Variants in LTF observed in about 807,000 individuals in gnomAD.
LTF encodes the protein lactotransferrin.
A neutral mutation model predicts 87.2 loss-of-function variants in LTF; 91 were observed. That is an observed-to-expected ratio of 1.04 (90% CI 0.88 to 1.24). The LOEUF (loss-of-function observed/expected upper bound fraction) is 1.24. Among genes scored for constraint, LTF ranks in the 50% most tolerant of loss-of-function variants. The probability of loss-of-function intolerance (pLI) is 0.00; values close to 1 mark genes in which losing one functional copy is unlikely to be tolerated. For synonymous variants in LTF, 378 were observed against 356.1 expected (o/e 1.06, Z -0.69); for missense variants, 901 against 904.3 (o/e 1.00, Z 0.05).
chr3:46,439,574 A>T, intron 14 of LTF, 94 bp from the exon 15 acceptor site: 1 of 1,033,598 alleles, frequency 9.7e-7, no homozygotes, highest in Non-Finnish European at 1.4e-6. Context: ...TGACCTCCCA[A>T]ATGCACACAC....
intron 16 of LTF, among the ~76,000 whole-genome samples, chr3:46,436,461 A>G (rs1173811662): frequency 6.6e-6 from 1 of 152,174 alleles, no homozygotes; most frequent in East Asian, 1.9e-4. Context: ...CTGGCCTGAG[A>G]GACACAACCA....
At chr3:46,445,506 C>A in intron 11 of LTF, 70 bp from the exon 12 acceptor site, 1 of 1,452,932 alleles carries the variant, frequency 6.9e-7, no homozygotes, top group Non-Finnish European at 9.4e-7. Context: ...TCCAGTGGAG[C>A]TGTCTACAGC....
At chr3:46,461,144 A>G (rs1429686594) in intron 1 of LTF, among the ~76,000 whole-genome samples, 1 of 152,236 alleles carries the variant, frequency 6.6e-6, no homozygotes, top group African/African-American at 2.4e-5. Context: ...AATAGCTAAA[A>G]CAGACAATGA....
intron 1 of LTF, among the ~76,000 whole-genome samples, chr3:46,482,288 T>C (rs1703442402): frequency 6.6e-6 from 1 of 151,920 alleles, no homozygotes; most frequent in Admixed American, 6.6e-5. Context: ...AAACCCCATC[T>C]CTACCAAAAA....
At chr3:46,440,641 G>A (rs1021519587) in intron 14 of LTF, among the ~76,000 whole-genome samples, 1 of 152,132 alleles carries the variant, frequency 6.6e-6, no homozygotes, top group Admixed American at 6.5e-5. Flanking sequence ...TACATGTCTT[G>A]TTTTAATCTC....
At chr3:46,484,986 C>T (rs1167475287) in exon 1 of LTF, 2 of 152,276 alleles carry the variant, frequency 1.3e-5, no homozygotes, top group East Asian at 1.9e-4. Flanking sequence ...GAGCACCTAC[C>T]AGGGCTGGGG....
At chr3:46,465,381 C>A (rs1164904038), upstream of LTF, among the ~76,000 whole-genome samples, 1 of 152,150 alleles carries the variant, frequency 6.6e-6, no homozygotes, top group Non-Finnish European at 1.5e-5. Flanking sequence ...ACCCGACCAC[C>A]CCCAGCAGCA....
intron 5 of LTF, among the ~76,000 whole-genome samples, 185 bp downstream of exon 5, chr3:46,455,110 G>A (rs566718583): frequency 1.6e-4 from 24 of 152,318 alleles, no homozygotes; most frequent in Admixed American, 5.9e-4. Context: ...AGTTGGGCCC[G>A]GAAGGCTGGA....
intron 1 of LTF, among the ~76,000 whole-genome samples, chr3:46,481,963 T>C (rs1287365083): frequency 6.6e-6 from 1 of 152,198 alleles, no homozygotes; most frequent in African/African-American, 2.4e-5. Context: ...ATTGAGGTGT[T>C]TGTGGTAAAG....
intron 14 of LTF, among the ~76,000 whole-genome samples, chr3:46,440,733 A>G (rs1463610960): frequency 6.6e-6 from 1 of 152,240 alleles, no homozygotes; most frequent in East Asian, 1.9e-4. Context: ...AGGGAGGCCG[A>G]AAGTGGAGAC....
chr3:46,457,745 T>G (rs1018101384), intron 2 of LTF, among the ~76,000 whole-genome samples: 1 of 152,204 alleles, frequency 6.6e-6, no homozygotes, highest in Non-Finnish European at 1.5e-5. Context: ...TTCATATCAT[T>G]TTTCTTCTAT....
chr3:46,460,597 C>T, intron 1 of LTF: 1 of 455,342 alleles, frequency 2.2e-6, no homozygotes, highest in Non-Finnish European at 4.4e-6. Flanking sequence ...CCACAAAAAA[C>T]CTGCAATGAA....
intron 16 of LTF, among the ~76,000 whole-genome samples, chr3:46,437,606 A>C (rs1032301618): frequency 1.3e-5 from 2 of 152,146 alleles, no homozygotes; most frequent in African/African-American, 4.8e-5. Context: ...GACAGGTGTG[A>C]GCCATCACAC....
At position 46,450,043 on chromosome 3, in the gene LTF, A is replaced by G. The variant is rs375352681; in HGVS notation, c.883-15T>C. 6.4e-6 allele frequency: 10 copies of G among 1,572,312 alleles called. No individual in the cohort carries two copies. The African/African-American group carries it at 1.2e-4, about 19-fold the overall frequency. On this transcript the variant is annotated splice_polypyrimidine_tract_variant and intron_variant, in intron 7 of 16. Transcript: ENST00000231751. ...CCAAACTTTTCCTAATTAAGAAAAA[A>G]TAGAATTATGGTGTCAATGGTAAAT...
At position 46,437,953 on chromosome 3, in the gene LTF, C is replaced by G. The variant is rs747980963; in HGVS notation, c.2085G>C (p.Lys695Asn). The G allele has an allele frequency of 6.2e-7, 1 of 1,613,846 alleles. No individual in the cohort carries two copies. Among genetic ancestry groups the G allele is most frequent in the Non-Finnish European group, 8.5e-7 (1 of 1,179,934 alleles). The part of the protein sequence containing the change: ...QYVAGITNLK[K>N]CSTSPLLEAC... ...GGGTCTACTTACGGGAGGTTGAGCA[C>G]TTTTTCAGATTAGTAATGCCTGCGA... is the stretch of plus-strand genomic sequence containing the variant. The change falls in exon 16 of 17, where the codon AAG (lysine) becomes AAC (asparagine). Residue 695 changes from lysine to asparagine, a missense_variant. Physicochemically the swap from Lys to Asn is moderately conservative, Grantham distance 94 (BLOSUM62 0). Transcript: ENST00000231751.
At chr3:46,453,479 TC>T (rs1702850098) in intron 6 of LTF, among the ~76,000 whole-genome samples, 1 of 151,732 alleles carries the variant, frequency 6.6e-6, no homozygotes, top group Non-Finnish European at 1.5e-5. Context: ...GGGGTCTGTC[TC>T]TGATGGTCCT....
At chr3:46,458,519 G>C (rs1702996307) in intron 2 of LTF, among the ~76,000 whole-genome samples, 1 of 152,216 alleles carries the variant, frequency 6.6e-6, no homozygotes, top group Admixed American at 6.5e-5. Context: ...GGTTAGAATA[G>C]AGCCTAGGAA....
intron 6 of LTF, among the ~76,000 whole-genome samples, chr3:46,452,775 T>A (rs1253857051): frequency 6.6e-6 from 1 of 152,254 alleles, no homozygotes; most frequent in Non-Finnish European, 1.5e-5. Context: ...AAATATACTT[T>A]TTTTATTGTA....
intron 16 of LTF, among the ~76,000 whole-genome samples, chr3:46,436,985 G>T (rs1183891886): frequency 6.6e-6 from 1 of 152,102 alleles, no homozygotes; most frequent in East Asian, 1.9e-4. Flanking sequence ...TATCCCCTCA[G>T]GGGAAAAATT....
Sources: allele counts gnomAD v4.1 joint callset (sites outside exome capture counted in the v4.1 genomes callset), GRCh38; gene constraint gnomAD v4.1.1; transcripts MANE v1.5; gene names NCBI Gene and HGNC (gene_info 2026-07-23, HGNC 2026-07-21).